Variants in LRRC3B observed in about 807,000 individuals in gnomAD.
LRRC3B encodes the protein leucine rich repeat containing 3B, also known as leucine-rich repeat-containing protein 3B.
Under a neutral mutation model 12.8 loss-of-function variants are expected in LRRC3B, and 2 were observed. That is an observed-to-expected ratio of 0.16 (90% CI 0.06 to 0.49). LRRC3B has a LOEUF of 0.49. LRRC3B is among the 20% of genes least tolerant of loss of function. LRRC3B has a pLI of 0.96. For missense variants in LRRC3B, 189 were observed against 319.4 expected, an observed-to-expected ratio of 0.59 and a Z score of 3.11; for synonymous variants, 132 against 122.0, an observed-to-expected ratio of 1.08 and a Z score of -0.54.
At chr3:26,664,440 C>G (rs1699557378) in intron 1 of LRRC3B, among the ~76,000 whole-genome samples, 1 of 152,108 alleles carries the variant, frequency 6.6e-6, no homozygotes, top group East Asian at 1.9e-4. Flanking sequence ...TTATCCCCAG[C>G]CTCTAGTGCC....
At chr3:26,710,002 A>T (rs35497952) in exon 2 of LRRC3B, 174,987 of 1,613,982 alleles carry the variant, frequency 0.11, 10,644 homozygotes, top group East Asian at 0.23. Flanking sequence ...CCTTCAAAGG[A>T]GTAGCTGAAA....
chr3:26,696,281 A>C (rs1700314718), intron 1 of LRRC3B, among the ~76,000 whole-genome samples: 1 of 152,228 alleles, frequency 6.6e-6, no homozygotes, highest in Admixed American at 6.5e-5. Flanking sequence ...TGGAAGAACA[A>C]AATATTTGAT....
Position 26,685,615 on chromosome 3 carries a change from G to GTATATATATA in LRRC3B, c.-160-23888_-160-23879dup, listed in dbSNP as rs768001958. Among the ~76,000 whole-genome samples the GTATATATATA allele has an allele frequency of 1.2e-3, 144 of 120,458 alleles. 1 individual carries two copies. Among genetic ancestry groups the GTATATATATA allele is most frequent in the East Asian group, 0.011 (41 of 3,758 alleles). 79.0% of individuals were successfully genotyped at this position (120,458 alleles called of 152,430 possible). A position where few individuals can be genotyped will look rare whatever the true frequency, so the allele number is the denominator to read the frequency against. On this transcript the variant is annotated intron_variant, in intron 1 of 1. Coordinates refer to ENST00000396641, the Ensembl canonical transcript of LRRC3B. ...CACTCATATATATATATGTGTGTGTGTATATATATATATATATATCTATAT... is the reference window on the plus strand; with the variant it reads ...CACTCATATATATATATGTGTGTGTGTATATATATATATATATATATATATATATCTATAT...
intron 1 of LRRC3B, among the ~76,000 whole-genome samples, chr3:26,709,219 C>T (rs555226014): frequency 1.3e-5 from 2 of 152,176 alleles, no homozygotes; most frequent in East Asian, 3.9e-4. Context: ...CGAAGGGGTC[C>T]AGGATGTGGA....
At chr3:26,701,548 A>T (rs570075294) in intron 1 of LRRC3B, among the ~76,000 whole-genome samples, 1 of 152,212 alleles carries the variant, frequency 6.6e-6, no homozygotes, top group African/African-American at 2.4e-5. Context: ...TCGCTCCTTG[A>T]AAATCTCTTC....
chr3:26,657,332 A>T (rs966506849), intron 1 of LRRC3B, among the ~76,000 whole-genome samples: 1 of 152,234 alleles, frequency 6.6e-6, no homozygotes, highest in Non-Finnish European at 1.5e-5. Context: ...AATTCTTAGC[A>T]TTCCAGGTAT....
At chr3:26,673,347 G>T (rs1699792291) in intron 1 of LRRC3B, among the ~76,000 whole-genome samples, 1 of 152,132 alleles carries the variant, frequency 6.6e-6, no homozygotes, top group South Asian at 2.1e-4. Context: ...TGTGTGAGAT[G>T]AAAACCCAAC....
At chr3:26,710,720 G>T in exon 2 of LRRC3B, 1 of 281,536 alleles carries the variant, frequency 3.6e-6, no homozygotes. Flanking sequence ...ATTTAATAAT[G>T]AAATTTATTT....
intron 1 of LRRC3B, among the ~76,000 whole-genome samples, chr3:26,679,733 CA>C (rs2125440322): frequency 6.6e-6 from 1 of 152,296 alleles, no homozygotes; most frequent in South Asian, 2.1e-4. Flanking sequence ...CCTCCTCCAC[CA>C]GAATGTGGAG....
At chr3:26,677,857 G>T (rs1699892651) in intron 1 of LRRC3B, among the ~76,000 whole-genome samples, 1 of 152,098 alleles carries the variant, frequency 6.6e-6, no homozygotes, top group Non-Finnish European at 1.5e-5. Context: ...CTGGAGTGCT[G>T]TGGTGCGATC....
At chr3:26,631,882 C>G (rs1357618041) in intron 1 of LRRC3B, among the ~76,000 whole-genome samples, 1 of 151,232 alleles carries the variant, frequency 6.6e-6, no homozygotes, top group Non-Finnish European at 1.5e-5. Flanking sequence ...TCTAAAATCC[C>G]TTTCAGTTAT....
At chr3:26,625,674 A>G (rs1426116940) in intron 1 of LRRC3B, among the ~76,000 whole-genome samples, 2 of 152,192 alleles carry the variant, frequency 1.3e-5, no homozygotes, top group Non-Finnish European at 2.9e-5. Flanking sequence ...ACTTGAGGAA[A>G]GACTCCAAAT....
At chr3:26,671,653 A>G (rs1453561911) in intron 1 of LRRC3B, among the ~76,000 whole-genome samples, 2 of 151,834 alleles carry the variant, frequency 1.3e-5, no homozygotes, top group Non-Finnish European at 2.9e-5. Context: ...TTGGCCTCCC[A>G]AAGTGCTGGG....
chr3:26,708,344 T>G (rs1191256017), intron 1 of LRRC3B, among the ~76,000 whole-genome samples: 2 of 152,196 alleles, frequency 1.3e-5, no homozygotes, highest in Non-Finnish European at 2.9e-5. Context: ...GGCTGCAACA[T>G]AACAGCATCA....
At chr3:26,655,040 A>G (rs950976036) in intron 1 of LRRC3B, among the ~76,000 whole-genome samples, 2 of 152,120 alleles carry the variant, frequency 1.3e-5, no homozygotes, top group African/African-American at 2.4e-5. Flanking sequence ...TTATTTATCA[A>G]TCTACTTATT....
chr3:26,687,429 AG>A (rs1700109986), intron 1 of LRRC3B, among the ~76,000 whole-genome samples: 1 of 152,110 alleles, frequency 6.6e-6, no homozygotes, highest in Non-Finnish European at 1.5e-5. Flanking sequence ...TCTAGTTCTG[AG>A]GGGATAATAT....
intron 1 of LRRC3B, among the ~76,000 whole-genome samples, chr3:26,644,965 G>C (rs1699111894): frequency 1.3e-5 from 2 of 151,928 alleles, no homozygotes; most frequent in Non-Finnish European, 2.9e-5. Context: ...TGAAAACATA[G>C]ACCTGCAGAC....
intron 1 of LRRC3B, among the ~76,000 whole-genome samples, chr3:26,704,537 C>T (rs900949019): frequency 1.3e-5 from 2 of 151,928 alleles, no homozygotes; most frequent in African/African-American, 4.8e-5. Flanking sequence ...ATTTTCCCAT[C>T]CATTTTTCTT....
chr3:26,693,996 A>AT (rs1397935669), intron 1 of LRRC3B, among the ~76,000 whole-genome samples: 1 of 152,132 alleles, frequency 6.6e-6, no homozygotes, highest in Non-Finnish European at 1.5e-5. Context: ...TTGATTATTA[A>AT]TTTTTTCTTC....
Sources: allele counts gnomAD v4.1 joint callset (sites outside exome capture counted in the v4.1 genomes callset), GRCh38; gene constraint gnomAD v4.1.1; transcripts MANE v1.5; gene names NCBI Gene and HGNC (gene_info 2026-07-23, HGNC 2026-07-21).